NCALD: variants seen among roughly 807,000 people sequenced by gnomAD.
NCALD encodes neurocalcin delta, also known as neurocalcin-delta.
A neutral mutation model predicts 18.6 loss-of-function variants in NCALD; 10 were observed. The ratio of observed to expected loss-of-function variants is 0.54; its 90% CI spans 0.33 to 0.91. The LOEUF (loss-of-function observed/expected upper bound fraction) is 0.91, where lower values mean the gene tolerates loss of function less well. Ranked by LOEUF, NCALD falls within the 40% of genes least tolerant of loss-of-function variation. NCALD has a pLI of 0.03. For missense variants in NCALD, 184 were observed against 247.6 expected, an observed-to-expected ratio of 0.74 and a Z score of 1.72; for synonymous variants, 88 against 87.4, an observed-to-expected ratio of 1.01 and a Z score of -0.04.
chr8:101,745,784 T>C (rs1810402138), intron 1 of NCALD: 1 of 152,238 alleles, frequency 6.6e-6, no homozygotes, highest in African/African-American at 2.4e-5. Flanking sequence ...TTTTGCACAT[T>C]ATCTCATTTA....
chr8:102,043,161 C>T (rs1823112247), intron 1 of NCALD, among the ~76,000 whole-genome samples: 1 of 151,958 alleles, frequency 6.6e-6, no homozygotes, highest in Non-Finnish European at 1.5e-5. Flanking sequence ...CATATTTGAA[C>T]TTCACCTAAC....
At chr8:101,968,526 G>C (rs1490024508) in intron 2 of NCALD, among the ~76,000 whole-genome samples, 2 of 152,160 alleles carry the variant, frequency 1.3e-5, no homozygotes, top group Non-Finnish European at 2.9e-5. Context: ...TGCCTAGAGT[G>C]CTCTGCTGTC....
At chr8:102,109,900 A>G (rs916457718) in intron 1 of NCALD, among the ~76,000 whole-genome samples, 3 of 152,234 alleles carry the variant, frequency 2.0e-5, no homozygotes, top group Non-Finnish European at 2.9e-5. Context: ...TATTATCATT[A>G]CTTAATATAG....
intron 1 of NCALD, among the ~76,000 whole-genome samples, chr8:101,770,449 T>C (rs879804753): frequency 2.0e-5 from 3 of 152,224 alleles, no homozygotes; most frequent in Admixed American, 2.0e-4. Flanking sequence ...ATAAACAGAT[T>C]CCTTCTTACT....
chr8:101,735,097 G>C lies in NCALD; in HGVS notation c.-19-15449C>G, dbSNP rs77369046. On this transcript the variant is annotated intron_variant, in intron 1 of 3. Coordinates refer to ENST00000220931, the MANE Select transcript of NCALD (RefSeq NM_032041.3). ...AGAAAAGGTAGATGGGAGGATGGAT[G>C]TTGGGGTGGAAAGCAGGATAAAATG... Among the ~76,000 whole-genome samples the C allele has an allele frequency of 2.7e-3, 412 of 152,262 alleles. 2 individuals are homozygous for C. The highest frequency in any genetic ancestry group is 9.6e-3 in the African/African-American group (401 of 41,564).
chr8:102,009,969 C>T (rs867185357), intron 2 of NCALD, among the ~76,000 whole-genome samples: 2 of 152,176 alleles, frequency 1.3e-5, no homozygotes, highest in South Asian at 4.1e-4. Flanking sequence ...TCCCCCAGTA[C>T]TGGGGAGCAC....
At chr8:101,911,366 T>G in intron 3 of NCALD, among the ~76,000 whole-genome samples, 2 of 138,876 alleles carry the variant, frequency 1.4e-5, no homozygotes, top group South Asian at 4.3e-4. Context: ...CTTTTCTTTT[T>G]TTTTTTTTTG....
chr8:101,849,590 CAA>C (rs1227708647), intron 4 of NCALD, among the ~76,000 whole-genome samples: 1 of 152,022 alleles, frequency 6.6e-6, no homozygotes, highest in Non-Finnish European at 1.5e-5. Flanking sequence ...CAGAAAGACA[CAA>C]AAGTAAAATT....
intron 1 of NCALD, among the ~76,000 whole-genome samples, chr8:102,055,795 G>A (rs796082023): frequency 2.2e-4 from 33 of 152,288 alleles, no homozygotes; most frequent in African/African-American, 7.7e-4. Flanking sequence ...AACTGAAATC[G>A]AATTTCTTCC....
At chr8:101,909,403 C>T (rs906241484) in intron 3 of NCALD, among the ~76,000 whole-genome samples, 1 of 152,160 alleles carries the variant, frequency 6.6e-6, no homozygotes, top group Admixed American at 6.5e-5. Flanking sequence ...CAAAGAAATG[C>T]CCTCCTGTGA....
chr8:101,981,447 T>C (rs1820615708), intron 2 of NCALD, among the ~76,000 whole-genome samples: 1 of 152,254 alleles, frequency 6.6e-6, no homozygotes, highest in South Asian at 2.1e-4. Context: ...AAAAACATTT[T>C]ATAACCTTTC....
rs1816252300 is a variant in NCALD at position 101,719,550 on chromosome 8, A to G, written c.80T>C (p.Ile27Thr). 6.2e-7 allele frequency: 1 copy of G among 1,614,068 alleles called. No individual in the cohort carries two copies. The highest frequency in any genetic ancestry group is 1.3e-5 in the African/African-American group (1 of 74,944). ...CAAGAAGCCTTTATACCATTCCTGG[A>G]TCTCATGCTCTGTAAAGTCTGTGCT... ...LESTDFTEHE[I>T]QEWYKGFLRD... The change falls in exon 2 of 4, where the codon ATC (isoleucine) becomes ACC (threonine). Residue 27 changes from isoleucine (I) to threonine (T), a missense_variant. Coordinates refer to ENST00000220931, the MANE Select transcript of NCALD (RefSeq NM_032041.3).
At chr8:101,716,487 T>A (rs963550456) in intron 2 of NCALD, among the ~76,000 whole-genome samples, 1 of 151,860 alleles carries the variant, frequency 6.6e-6, no homozygotes, top group African/African-American at 2.4e-5. Flanking sequence ...AAAGAAAAAA[T>A]TATAAAAAAA....
chr8:101,919,026 T>C (rs899487316), intron 2 of NCALD, among the ~76,000 whole-genome samples: 1 of 152,028 alleles, frequency 6.6e-6, no homozygotes. Context: ...CCAAATTCTA[T>C]AATTCTAAAA....
chr8:101,893,385 A>G (rs1173027500), intron 3 of NCALD, among the ~76,000 whole-genome samples: 1 of 151,370 alleles, frequency 6.6e-6, no homozygotes, highest in East Asian at 1.9e-4. Flanking sequence ...GAAAGGAACA[A>G]CCAGTACCAG....
At position 101,941,805 on chromosome 8, in the gene NCALD, T is replaced by A. The variant is rs188159696; in HGVS notation, c.-156-25947A>T. On this transcript the variant is annotated intron_variant, in intron 2 of 6. Transcript: ENST00000311028. ...GAAAATAAGATTGTTTGATATCAGC[T>A]ATTTTACAGTCATTAATATCTCACA... 1.0e-3 allele frequency among the ~76,000 whole-genome samples: 153 copies of A among 152,354 alleles called. 1 individual carries two copies. The highest frequency in any genetic ancestry group is 3.1e-3 in the African/African-American group (130 of 41,584).
At chr8:101,924,961 T>C (rs963980525) in intron 2 of NCALD, among the ~76,000 whole-genome samples, 6 of 152,198 alleles carry the variant, frequency 3.9e-5, no homozygotes, top group African/African-American at 1.4e-4. Flanking sequence ...GATGCTGTGA[T>C]TCATTCCGAT....
intron 1 of NCALD, among the ~76,000 whole-genome samples, chr8:101,774,355 A>G (rs529909133): frequency 6.6e-6 from 1 of 152,342 alleles, no homozygotes; most frequent in East Asian, 1.9e-4. Context: ...ATAACTGAAC[A>G]AAGTATTCTT....
intron 1 of NCALD, among the ~76,000 whole-genome samples, chr8:101,720,180 A>T (rs1335449691): frequency 6.6e-6 from 1 of 152,212 alleles, no homozygotes; most frequent in Non-Finnish European, 1.5e-5. Context: ...ACACAGACAT[A>T]AAGACAGAAA....
Sources: gnomAD v4.1 joint callset for allele counts (sites outside exome capture counted in the v4.1 genomes callset) on GRCh38, gnomAD v4.1.1 for gene constraint, MANE v1.5 for transcripts, NCBI Gene and HGNC (gene_info 2026-07-23, HGNC 2026-07-21) for gene names.